NEK6: variants seen among roughly 807,000 people sequenced by gnomAD.
The protein encoded by NEK6 is serine/threonine-protein kinase Nek6.
NEK6 carries 27 observed loss-of-function variants against 43.5 expected under a neutral mutation model. The ratio of observed to expected loss-of-function variants is 0.62; its 90% CI spans 0.46 to 0.86. NEK6 has a LOEUF of 0.86. Among genes scored for constraint, NEK6 ranks in the 40% least tolerant of loss-of-function variants. The pLI is 0.00. For missense variants in NEK6, 318 were observed against 414.4 expected (o/e 0.77, Z 2.02); for synonymous variants, 167 against 164.1 (o/e 1.02, Z -0.14).
intron 1 of NEK6, among the ~76,000 whole-genome samples, chr9:124,270,244 C>T (rs1040522860): frequency 6.6e-6 from 1 of 152,166 alleles, no homozygotes; most frequent in African/African-American, 2.4e-5. Flanking sequence ...GCACCTGGAG[C>T]GGGGCCTGGC....
intron 1 of NEK6, 119 bp downstream of exon 1, chr9:124,258,204 C>T (rs1327351012): frequency 4.1e-6 from 4 of 975,764 alleles, no homozygotes; most frequent in Non-Finnish European, 4.9e-6. Flanking sequence ...GCCCACGGCT[C>T]CGCGGGGGAG....
intron 1 of NEK6, among the ~76,000 whole-genome samples, chr9:124,286,153 A>C (rs1045172264): frequency 6.6e-6 from 1 of 152,212 alleles, no homozygotes; most frequent in Non-Finnish European, 1.5e-5. Flanking sequence ...GCCCACAAGA[A>C]TTCCGACTGC....
At chr9:124,314,846 GAC>G (rs1833736620) in intron 4 of NEK6, among the ~76,000 whole-genome samples, 1 of 152,098 alleles carries the variant, frequency 6.6e-6, no homozygotes, top group Admixed American at 6.5e-5. Context: ...TTTTAGTAGA[GAC>G]AGCGTTTCAC....
intron 1 of NEK6, among the ~76,000 whole-genome samples, chr9:124,300,763 C>T (rs1431700449): frequency 1.3e-5 from 2 of 151,904 alleles, no homozygotes; most frequent in African/African-American, 4.8e-5. Context: ...CTTTCATTCT[C>T]GCCCCCTCAG....
intron 4 of NEK6, among the ~76,000 whole-genome samples, chr9:124,315,079 G>A (rs1283101604): frequency 1.3e-5 from 2 of 152,252 alleles, no homozygotes; most frequent in African/African-American, 2.4e-5. Flanking sequence ...TCTGCCACAC[G>A]CTGCCCTGTG....
intron 1 of NEK6, chr9:124,291,999 A>G: frequency 1.0e-6 from 1 of 989,068 alleles, no homozygotes; most frequent in Non-Finnish European, 1.2e-6. Flanking sequence ...GAGGCGACCC[A>G]GCTCCCTGGA....
At chr9:124,331,259 C>CAAAAAAAA (rs779194493) in intron 7 of NEK6, among the ~76,000 whole-genome samples, 6 of 95,278 alleles carry the variant, frequency 6.3e-5, no homozygotes, top group South Asian at 4.6e-4. Flanking sequence ...GACTCTGTCT[C>CAAAAAAAA]AAAAAAAAAA....
chr9:124,281,838 G>A (rs1240862180), intron 1 of NEK6, among the ~76,000 whole-genome samples: 5 of 152,168 alleles, frequency 3.3e-5, no homozygotes, highest in African/African-American at 4.8e-5. Flanking sequence ...CTAGGTGGAC[G>A]TTTTATTTTA....
At chr9:124,260,515 T>A (rs746190893) in intron 1 of NEK6, among the ~76,000 whole-genome samples, 3 of 152,154 alleles carry the variant, frequency 2.0e-5, no homozygotes, top group African/African-American at 7.2e-5. Flanking sequence ...TGCCTCAGCC[T>A]CCTCCTGAGT....
At chr9:124,291,123 G>A (rs181244564) in intron 1 of NEK6, among the ~76,000 whole-genome samples, 8 of 152,244 alleles carry the variant, frequency 5.3e-5, no homozygotes, top group Admixed American at 2.6e-4. Context: ...CTTTCAACTC[G>A]TGCAATGTCA....
At chr9:124,310,524 GCTGTGAGGCCTGGA>G (rs1833477846) in intron 2 of NEK6, among the ~76,000 whole-genome samples, 2 of 152,376 alleles carry the variant, frequency 1.3e-5, no homozygotes, top group South Asian at 4.1e-4. Context: ...CTTGCTGTGT[GCTGTGAGGCCTGGA>G]CTCCCATCAC....
chr9:124,347,222 A>T (rs974001331), intron 8 of NEK6, among the ~76,000 whole-genome samples: 5 of 152,238 alleles, frequency 3.3e-5, no homozygotes, highest in African/African-American at 1.2e-4. Context: ...GAACAGCCAC[A>T]GTGAAATGCC....
intron 7 of NEK6, among the ~76,000 whole-genome samples, chr9:124,334,035 C>T (rs991798938): frequency 2.6e-5 from 4 of 152,190 alleles, no homozygotes; most frequent in African/African-American, 9.6e-5. Context: ...CCTTGGCCTC[C>T]CAAAGTGCTG....
At chr9:124,321,040 C>T (rs548146768) in intron 4 of NEK6, among the ~76,000 whole-genome samples, 3 of 152,156 alleles carry the variant, frequency 2.0e-5, no homozygotes, top group Non-Finnish European at 4.4e-5. Flanking sequence ...GCAGGCTGGC[C>T]GTGTCTGGGC....
intron 7 of NEK6, among the ~76,000 whole-genome samples, chr9:124,332,008 G>A (rs1564654256): frequency 6.6e-6 from 1 of 152,218 alleles, no homozygotes; most frequent in Non-Finnish European, 1.5e-5. Flanking sequence ...CCCCTCGGTG[G>A]CAGTCACAGG....
At chr9:124,328,371 C>G (rs886192918) in intron 7 of NEK6, among the ~76,000 whole-genome samples, 1 of 152,166 alleles carries the variant, frequency 6.6e-6, no homozygotes, top group Non-Finnish European at 1.5e-5. Flanking sequence ...CCCAGAGGCC[C>G]ATGGAGTGGG....
chr9:124,339,533 A>G (rs539731170), intron 7 of NEK6, 38 bp from the exon 8 acceptor site: 8 of 1,477,714 alleles, frequency 5.4e-6, no homozygotes, highest in Admixed American at 3.3e-5. Flanking sequence ...CCTGCCCTAC[A>G]TGGAGCATAA....
intron 7 of NEK6, among the ~76,000 whole-genome samples, chr9:124,334,927 A>G (rs538337871): frequency 1.0e-3 from 158 of 152,320 alleles, no homozygotes; most frequent in Non-Finnish European, 1.7e-3. Flanking sequence ...CACAGTGAGC[A>G]GAGGAGACTC....
At chr9:124,292,983 CAGG>C in intron 1 of NEK6, 2 of 1,574,506 alleles carry the variant, frequency 1.3e-6, no homozygotes, top group South Asian at 2.4e-5. Context: ...TCATTTCCGG[CAGG>C]AGGAGCAGAG....
Sources: allele counts gnomAD v4.1 joint callset (sites outside exome capture counted in the v4.1 genomes callset), GRCh38; gene constraint gnomAD v4.1.1; transcripts MANE v1.5; gene names NCBI Gene and HGNC (gene_info 2026-07-23, HGNC 2026-07-21).